The following VPS26B variants were observed in gnomAD, a reference collection of about 807,000 sequenced individuals.
VPS26B encodes the protein vacuolar protein sorting-associated protein 26B.
Under a neutral mutation model 33.3 loss-of-function variants are expected in VPS26B, and 10 were observed. That is an observed-to-expected ratio of 0.30 (90% CI 0.19 to 0.51). The LOEUF is 0.51. VPS26B is among the 20% of genes least tolerant of loss of function. The probability of loss-of-function intolerance (pLI) is 0.98; values close to 1 mark genes in which losing one functional copy is unlikely to be tolerated. For missense variants in VPS26B, 317 were observed against 452.7 expected, an observed-to-expected ratio of 0.70 and a Z score of 2.72; for synonymous variants, 190 against 176.9, an observed-to-expected ratio of 1.07 and a Z score of -0.59.
chr11:134,229,501 C>G (rs1331241453), intron 1 of VPS26B, among the ~76,000 whole-genome samples: 1 of 152,188 alleles, frequency 6.6e-6, no homozygotes, highest in Non-Finnish European at 1.5e-5. Context: ...AGCCACAGCC[C>G]CACTGCGTCT....
intron 3 of VPS26B, among the ~76,000 whole-genome samples, chr11:134,241,198 A>G (rs1938719279): frequency 6.6e-6 from 1 of 152,220 alleles, no homozygotes; most frequent in Non-Finnish European, 1.5e-5. Context: ...AAGAAGCCAC[A>G]AAGTCTCTAA....
chr11:134,242,277 C>T (rs764447928), intron 3 of VPS26B, among the ~76,000 whole-genome samples: 6 of 152,172 alleles, frequency 3.9e-5, no homozygotes, highest in African/African-American at 4.8e-5. Context: ...GGGGAACACT[C>T]CAGCCTGGGG....
Position 134,243,221 on chromosome 11 carries a change from T to A in VPS26B, c.648T>A (p.Gly216=), listed in dbSNP as rs183895070. 7 of 1,614,098 alleles carry A rather than the reference T, an allele frequency of 4.3e-6. No individual in the cohort carries two copies. In the East Asian group the frequency reaches 1.6e-4, roughly 36 times the overall value. The part of the protein sequence containing the change: ...EIDIIKRETT[G]TGPNVYHEND... The stretch of plus-strand genomic sequence containing the variant: ...ACATCATCAAGCGAGAAACGACGGG[T>A]ACAGGCCCCAACGTGTACCATGAGA... Residue 216 remains glycine, a synonymous_variant, in exon 4 of 6, where the codon GGT becomes GGA. Transcript: ENST00000281187.
chr11:134,240,794 CGTGTGTGTGTGTGTGT>C lies in VPS26B; in HGVS notation c.545+658_545+673del, dbSNP rs55726358. On this transcript the variant is annotated intron_variant, in intron 3 of 5. Coordinates refer to ENST00000281187, the MANE Select transcript of VPS26B (RefSeq NM_052875.5). The surrounding 1 kb of genome is among the most constrained non-coding windows in gnomAD (Gnocchi z 4.4). The stretch of plus-strand genomic sequence containing the variant: ...GTGTCCGTGTGTGTGTGTGTGTGTC[CGTGTGTGTGTGTGTGT>C]GTGTGTGTGTGTGTGTGTAGCCAAG... Among the ~76,000 whole-genome samples the C allele has an allele frequency of 0.021, 2,896 of 138,526 alleles. 47 individuals are homozygous for C. The highest frequency in any genetic ancestry group is 0.062 in the Middle Eastern group (17 of 272). The allele number at this position is 138,526 out of a possible 152,430, so 90.9% of individuals were successfully genotyped here. A position where few individuals can be genotyped will look rare whatever the true frequency, so the allele number is the denominator to read the frequency against.
In VPS26B at chr11:134,245,167, C is replaced by T; in HGVS notation, c.864+87C>T. The T allele has an allele frequency of 6.5e-7, 1 of 1,535,040 alleles. No individual in the cohort carries two copies. The highest frequency in any genetic ancestry group is 8.7e-7 in the Non-Finnish European group (1 of 1,143,944). On this transcript the variant is annotated intron_variant, in intron 5 of 5. Coordinates refer to ENST00000281187, the MANE Select transcript of VPS26B (RefSeq NM_052875.5). This position sits in a 1 kb window ranked among gnomAD's most constrained non-coding sequence, Gnocchi z 4.7. ...TATGGAAGGTCAGACTCCATTTTTG[C>T]CAAGAGGTGGGAACATTAGGTCGCC...
At chr11:134,232,959 T>A (rs1229937173) in intron 1 of VPS26B, among the ~76,000 whole-genome samples, 1 of 152,178 alleles carries the variant, frequency 6.6e-6, no homozygotes, top group East Asian at 1.9e-4. Context: ...GTCATATACT[T>A]CTGACTTTTA....
At position 134,246,069 on chromosome 11, in the gene VPS26B, G is replaced by A. The variant is rs1279880684; in HGVS notation, c.*479G>A. On this transcript the variant is annotated 3_prime_UTR_variant, in exon 6 of 6. Transcript: ENST00000281187. ...TGGGCCAGCCCCCACTAAGTGGCAG[G>A]GGAAGACTCACGATTGGGAAGCTAC... The A allele has an allele frequency of 6.5e-6, 1 of 154,876 alleles. No homozygotes were observed. Among genetic ancestry groups the A allele is most frequent in the African/African-American group, 2.4e-5 (1 of 41,476 alleles). 9.6% of individuals were successfully genotyped at this position (154,876 alleles called of 1,614,324 possible).
intron 2 of VPS26B, chr11:134,235,374 T>C (rs1938617091): frequency 4.9e-6 from 1 of 203,520 alleles, no homozygotes; most frequent in Non-Finnish European, 9.8e-6. Flanking sequence ...CAGAGAGCAT[T>C]GTAAAGGGCC....
rs1472268684 is a variant in VPS26B at position 134,247,518 on chromosome 11, CTCTT to C, written c.*1933_*1936del. 1.3e-5 allele frequency: 2 copies of C among 152,538 alleles called. No individual in the cohort carries two copies. Among genetic ancestry groups the C allele is most frequent in the Non-Finnish European group, 2.9e-5 (2 of 68,020 alleles). 9.4% of individuals were successfully genotyped at this position (152,538 alleles called of 1,614,324 possible). Reference sequence around the variant, plus strand: ...GTGCACAAGCCAGGTCTTCTGTTTTCTCTTTCTTACTCTACCCACATTCTTGCCT... The same window carrying C: ...GTGCACAAGCCAGGTCTTCTGTTTTCTCTTACTCTACCCACATTCTTGCCT... On this transcript the variant is annotated 3_prime_UTR_variant, in exon 6 of 6. Transcript: ENST00000281187.
chr11:134,225,108 C>A lies in VPS26B; in HGVS notation c.-15C>A. The A allele has an allele frequency of 6.3e-7, 1 of 1,588,368 alleles. No homozygotes were observed. Among genetic ancestry groups the A allele is most frequent in the Non-Finnish European group, 8.6e-7 (1 of 1,165,830 alleles). On this transcript the variant is annotated 5_prime_UTR_variant, in exon 1 of 6. Coordinates refer to ENST00000281187, the MANE Select transcript of VPS26B (RefSeq NM_052875.5). ...GGAGCGGTCCTTACCGAGACCCGCC[C>A]GGCCCGGCGGTGCGATGAGCTTCTT...
rs144483698 is a variant in VPS26B, at chr11:134,230,736, T to C, written c.224-4161T>C. On this transcript the variant is annotated intron_variant, in intron 1 of 5. Transcript: ENST00000281187. ...TCTGGCCCGTTTGGTCCTGCACCAC[T>C]GCTCAGATGTGGCAGTTTGAACGTT... is the stretch of plus-strand genomic sequence containing the variant. 8.0e-3 allele frequency among the ~76,000 whole-genome samples: 1,214 copies of C among 152,392 alleles called. 12 individuals carry two copies. Among genetic ancestry groups the C allele is most frequent in the African/African-American group, 0.028 (1,171 of 41,598 alleles).
At chr11:134,238,165 G>T (rs61703311) in intron 2 of VPS26B, among the ~76,000 whole-genome samples, 39,729 of 152,050 alleles carry the variant, frequency 0.26, 5,578 homozygotes, top group East Asian at 0.37. Flanking sequence ...CAGGCAGCAG[G>T]ATTCTTAAGG....
chr11:134,239,983 T>C lies in VPS26B; in HGVS notation c.381-8T>C. 6.2e-7 allele frequency: 1 copy of C among 1,614,140 alleles called. No individual in the cohort carries two copies. Among genetic ancestry groups the C allele is most frequent in the Non-Finnish European group, 8.5e-7 (1 of 1,180,018 alleles). Reference sequence around the variant, plus strand: ...AGTGTTTATTCATGACAGTTCCGTCTCCTACAGCTATTTCCTTCGTGCTAC... The same window carrying C: ...AGTGTTTATTCATGACAGTTCCGTCCCCTACAGCTATTTCCTTCGTGCTAC... On this transcript the variant is annotated splice_polypyrimidine_tract_variant and splice_region_variant and intron_variant, in intron 2 of 5. Transcript: ENST00000281187.
chr11:134,246,618 A>T lies in VPS26B; in HGVS notation c.*1028A>T, dbSNP rs2136055602. ...CTTTACCCCTCTCCCTATAGGTTAC[A>T]CAGGGGAGACCAGGGCCTCGGCAGA... On this transcript the variant is annotated 3_prime_UTR_variant, in exon 6 of 6. Transcript: ENST00000281187. 1.3e-5 allele frequency: 2 copies of T among 152,516 alleles called. No individual in the cohort carries two copies. Among genetic ancestry groups the T allele is most frequent in the Non-Finnish European group, 2.9e-5 (2 of 68,014 alleles). 9.4% of individuals were successfully genotyped at this position (152,516 alleles called of 1,614,324 possible).
chr11:134,244,894 G>T lies in VPS26B; in HGVS notation c.722-44G>T, dbSNP rs780416595. On this transcript the variant is annotated intron_variant, in intron 4 of 5. Transcript: ENST00000281187. This position sits in a 1 kb window ranked among gnomAD's most constrained non-coding sequence, Gnocchi z 4.0. ...AGAGTGACCTGGTATAAGGGAGAGG[G>T]CATCACCTTGCCCCCTGTGCTGACT... 8 of 1,596,688 alleles carry T rather than the reference G, an allele frequency of 5.0e-6. No individual in the cohort carries two copies. The highest frequency in any genetic ancestry group is 6.8e-6 in the Non-Finnish European group (8 of 1,175,376).
In VPS26B at chr11:134,240,615, A is replaced by G. The variant is rs1938703434; in HGVS notation, c.545+460A>G. Among the ~76,000 whole-genome samples, 1 of 152,164 alleles carries G rather than the reference A, an allele frequency of 6.6e-6. No homozygotes were observed. The highest frequency in any genetic ancestry group is 1.9e-4 in the East Asian group (1 of 5,194). ...TCCTCCCTGAACTAAAATGAATTAT[A>G]GCAAAGAATATTGGATTTTTTTTTC... On this transcript the variant is annotated intron_variant, in intron 3 of 5. Transcript: ENST00000281187. The surrounding 1 kb of genome is among the most constrained non-coding windows in gnomAD (Gnocchi z 4.4).
chr11:134,233,932 A>G (rs958586213), intron 1 of VPS26B, among the ~76,000 whole-genome samples: 2 of 152,164 alleles, frequency 1.3e-5, no homozygotes, highest in African/African-American at 4.8e-5. Context: ...TATCATCAAA[A>G]AATACCAGAA....
At chr11:134,231,752 A>G (rs564506690) in intron 1 of VPS26B, among the ~76,000 whole-genome samples, 1 of 152,276 alleles carries the variant, frequency 6.6e-6, no homozygotes, top group Non-Finnish European at 1.5e-5. Flanking sequence ...TTTAGTAGTG[A>G]CAGGGTTTCA....
rs2136055392 is a variant in VPS26B, at chr11:134,246,381, G to A, written c.*791G>A. 1 of 152,356 alleles carries A rather than the reference G, an allele frequency of 6.6e-6. No homozygotes were observed. Among genetic ancestry groups the A allele is most frequent in the Non-Finnish European group, 1.5e-5 (1 of 68,108 alleles). 9.4% of individuals were successfully genotyped at this position (152,356 alleles called of 1,614,324 possible). On this transcript the variant is annotated 3_prime_UTR_variant, in exon 6 of 6. Coordinates refer to ENST00000281187, the MANE Select transcript of VPS26B (RefSeq NM_052875.5). ...CGTCGCTCCACTTGGTAACCCCAAG[G>A]TCTGGGCTGTTCTAGGTATTGCTTC...
Sources: gnomAD v4.1 joint callset for allele counts (sites outside exome capture counted in the v4.1 genomes callset) on GRCh38, gnomAD v4.1.1 for gene constraint, Gnocchi (gnomAD v3.1) non-coding constraint, MANE v1.5 for transcripts, NCBI Gene and HGNC (gene_info 2026-07-23, HGNC 2026-07-21) for gene names.